Variants in DDIT4 observed in about 807,000 individuals in gnomAD.
DDIT4 encodes DNA damage-inducible transcript 4 protein.
A neutral mutation model predicts 20.2 loss-of-function variants in DDIT4; 20 were observed. That is an observed-to-expected ratio of 0.99 (90% confidence interval 0.70 to 1.44). The LOEUF is 1.44. Among genes scored for constraint, DDIT4 ranks in the 40% most tolerant of loss-of-function variants. The pLI, the probability that DDIT4 is intolerant of heterozygous loss-of-function variation, is 0.00. For missense variants in DDIT4, 316 were observed against 298.1 expected, an observed-to-expected ratio of 1.06 and a Z score of -0.44; for synonymous variants, 152 against 144.6, an observed-to-expected ratio of 1.05 and a Z score of -0.37.
rs368138380 is a variant in DDIT4 at position 72,274,267 on chromosome 10, C to T, written c.51C>T (p.Pro17=). The change falls in exon 2 of 3, where the codon CCC becomes CCT. Residue 17 remains proline (P), a synonymous_variant. Coordinates refer to ENST00000307365, the MANE Select transcript of DDIT4 (RefSeq NM_019058.4). ...CGTCGTCGTCCACCTCCTCTTCGCC[C>T]TCGTCCTTGCCCCGAACTCCCACCC... is the stretch of plus-strand genomic sequence containing the variant. ...RFSSSSTSSS[P]SSLPRTPTPD... is the part of the protein sequence containing the mutation. 1.2e-6 allele frequency: 2 copies of T among 1,613,628 alleles called. No homozygotes were observed. The highest frequency in any genetic ancestry group is 2.7e-5 in the African/African-American group (2 of 74,930).
chr10:72,274,612 C>T (rs1860804704), intron 2 of DDIT4, 83 bp from the exon 3 acceptor site: 1 of 1,503,726 alleles, frequency 6.7e-7, no homozygotes, highest in Non-Finnish European at 8.9e-7. Flanking sequence ...GCGTTGGTTT[C>T]TTAAGGAAAC....
chr10:72,275,215 C>A lies in DDIT4; in HGVS notation c.*27C>A. 6.3e-7 allele frequency: 1 copy of A among 1,580,508 alleles called. No homozygotes were observed. Among genetic ancestry groups the A allele is most frequent in the Non-Finnish European group, 8.6e-7 (1 of 1,168,244 alleles). ...CTTCAACCTGAGGGGGCCGACAGTG[C>A]CCTCCAAGACAGAGACGACTGAACT... On this transcript the variant is annotated 3_prime_UTR_variant, in exon 3 of 3. Transcript: ENST00000307365.
rs779357451 is a variant in DDIT4, at chr10:72,274,900, C to T, written c.411C>T (p.Ser137=). 4 of 1,612,844 alleles carry T rather than the reference C, an allele frequency of 2.5e-6. No individual in the cohort carries two copies. In the South Asian group the frequency reaches 3.3e-5, roughly 13 times the overall value. ...VGKELLRLAY[S]EPCGLRGALL... ...AAGAACTACTGCGCCTGGCCTACAG[C>T]GAGCCGTGCGGCCTGCGGGGGGCGC... The change falls in exon 3 of 3, where the codon AGC becomes AGT. Residue 137 remains serine (S), a synonymous_variant. Coordinates refer to ENST00000307365, the MANE Select transcript of DDIT4 (RefSeq NM_019058.4).
chr10:72,273,981 G>C lies in DDIT4; in HGVS notation c.-140G>C, dbSNP rs1482016184. On this transcript the variant is annotated 5_prime_UTR_variant, in exon 1 of 3. Transcript: ENST00000307365. ...CCTGGGACGGGTCTGGGCGGCTCTC[G>C]GTGGTTGGCACGGGTTCGCACACCC... is the stretch of plus-strand genomic sequence containing the variant. 3 of 575,754 alleles carry C rather than the reference G, an allele frequency of 5.2e-6. No individual in the cohort carries two copies. The highest frequency in any genetic ancestry group is 1.9e-5 in the African/African-American group (1 of 53,124). 35.7% of individuals were successfully genotyped at this position (575,754 alleles called of 1,614,324 possible).
At position 72,275,673 on chromosome 10, in the gene DDIT4, T is replaced by C. The variant is rs1589730530; in HGVS notation, c.*485T>C. On this transcript the variant is annotated 3_prime_UTR_variant, in exon 3 of 3. Coordinates refer to ENST00000307365, the MANE Select transcript of DDIT4 (RefSeq NM_019058.4). ...GTGTGTTTGTTGTTTGTTTTGTATC[T>C]TGTTTTTCTGATCGGAGCATCACTA... The C allele has an allele frequency of 1.2e-5, 2 of 161,714 alleles. No individual in the cohort carries two copies. The highest frequency in any genetic ancestry group is 1.2e-4 in the Admixed American group (2 of 16,906). The allele number at this position is 161,714 out of a possible 1,614,324, so 10.0% of individuals were successfully genotyped here. A position where few individuals can be genotyped will look rare whatever the true frequency, so the allele number is the denominator to read the frequency against.
rs1412125998 is a variant in DDIT4 at position 72,274,746 on chromosome 10, AC to A, written c.260del (p.Pro87LeufsTer10). The A allele has an allele frequency of 6.2e-7, 1 of 1,613,780 alleles. No individual in the cohort carries two copies. The highest frequency in any genetic ancestry group is 1.1e-5 in the South Asian group (1 of 91,042). ...VSLPDFELLS[D>X]PEDEHLCANL... is the part of the protein sequence containing the mutation. ...TTGCCCGACTTCGAGCTGCTCAGTG[AC>A]CCTGAGGATGAACACTTGTGTGCCA... On this transcript the variant is annotated frameshift_variant, in exon 3 of 3. Transcript: ENST00000307365. LOFTEE classifies it high-confidence loss of function.
rs1860820696 is a variant in DDIT4, at chr10:72,275,570, C to T, written c.*382C>T. The T allele has an allele frequency of 4.7e-6, 1 of 210,616 alleles. No individual in the cohort carries two copies. Among genetic ancestry groups the T allele is most frequent in the Non-Finnish European group, 9.8e-6 (1 of 102,542 alleles). 13.0% of individuals were successfully genotyped at this position (210,616 alleles called of 1,614,324 possible). On this transcript the variant is annotated 3_prime_UTR_variant, in exon 3 of 3. Transcript: ENST00000307365. ...AGGGTGAAGGAAGAGGCACGTGCTC[C>T]TCAGAGCAGCCGGAGGGAGGGGGGA... is the stretch of plus-strand genomic sequence containing the variant.
Position 72,274,852 on chromosome 10 carries a change from C to A in DDIT4, c.363C>A (p.Ser121Arg). ...SRRPARLLMPSQLVSQVGKEL... is the reference protein window; with the variant it reads ...SRRPARLLMPRQLVSQVGKEL... Reference sequence around the variant, plus strand: ...GCCCTGCGCGCCTGCTGATGCCTAGCCAGTTGGTAAGCCAGGTGGGCAAAG... The same window carrying A: ...GCCCTGCGCGCCTGCTGATGCCTAGACAGTTGGTAAGCCAGGTGGGCAAAG... The change falls in exon 3 of 3, where the codon AGC becomes AGA. Residue 121 changes from serine to arginine, a missense_variant. By Grantham distance (110) the Ser-to-Arg change is moderately radical (BLOSUM62 -1). Transcript: ENST00000307365. The A allele has an allele frequency of 6.2e-7, 1 of 1,613,562 alleles. No individual in the cohort carries two copies. Among genetic ancestry groups the A allele is most frequent in the Non-Finnish European group, 8.5e-7 (1 of 1,180,018 alleles).
chr10:72,274,780 G>T lies in DDIT4; in HGVS notation c.291G>T (p.Met97Ile). The change falls in exon 3 of 3, where the codon ATG becomes ATT. Residue 97 changes from methionine (M) to isoleucine (I), a missense_variant. Coordinates refer to ENST00000307365, the MANE Select transcript of DDIT4 (RefSeq NM_019058.4). ...PEDEHLCANL[M>I]QLLQESLAQA... ...ATGAACACTTGTGTGCCAACCTGAT[G>T]CAGCTGCTGCAGGAGAGCCTGGCCC... is the stretch of plus-strand genomic sequence containing the variant. 6.2e-7 allele frequency: 1 copy of T among 1,614,026 alleles called. No homozygotes were observed. The highest frequency in any genetic ancestry group is 2.2e-5 in the East Asian group (1 of 44,894).
Position 72,275,048 on chromosome 10 carries a change from C to T in DDIT4, c.559C>T (p.Pro187Ser). Reference protein sequence around the residue: ...LVLRLDSRLWPKIQGLFSSAN... With the variant: ...LVLRLDSRLWSKIQGLFSSAN... ...GCTGCGCCTGGACTCACGACTCTGG[C>T]CCAAGATCCAGGGGCTGTTTAGCTC... is the stretch of plus-strand genomic sequence containing the variant. Residue 187 changes from proline (P) to serine (S), a missense_variant, in exon 3 of 3, where the codon CCC (proline) becomes TCC (serine). By Grantham distance (74) the Pro-to-Ser change is moderately conservative. Coordinates refer to ENST00000307365, the MANE Select transcript of DDIT4 (RefSeq NM_019058.4). 1 of 1,613,614 alleles carries T rather than the reference C, an allele frequency of 6.2e-7. No homozygotes were observed. Among genetic ancestry groups the T allele is most frequent in the Non-Finnish European group, 8.5e-7 (1 of 1,179,984 alleles).
In DDIT4 at chr10:72,274,357, G is replaced by T; in HGVS notation, c.141G>T (p.Thr47=). The T allele has an allele frequency of 6.2e-7, 1 of 1,609,480 alleles. No homozygotes were observed. The highest frequency in any genetic ancestry group is 2.2e-5 in the East Asian group (1 of 44,826). The change falls in exon 2 of 3, where the codon ACG becomes ACT. Residue 47 remains threonine, a synonymous_variant. Transcript: ENST00000307365. ...GGGAGGAGGGGTTTGACCGCTCCAC[G>T]AGCCTGGAGAGCTCGGACTGCGAGT... ...ATREEGFDRS[T]SLESSDCESL...
rs1288269086 is a variant in DDIT4 at position 72,275,983 on chromosome 10, A to G, written c.*795A>G. The G allele has an allele frequency of 1.3e-5, 2 of 152,716 alleles. No homozygotes were observed. Among genetic ancestry groups the G allele is most frequent in the Non-Finnish European group, 2.9e-5 (2 of 68,060 alleles). The allele number at this position is 152,716 out of a possible 1,614,324, so 9.5% of individuals were successfully genotyped here. The stretch of plus-strand genomic sequence containing the variant: ...TCATGAATACACTTGATGTTCAAGT[A>G]TTAAGACCTATGCAATATTTTTTAC... On this transcript the variant is annotated 3_prime_UTR_variant, in exon 3 of 3. Transcript: ENST00000307365.
In DDIT4 at chr10:72,275,005, C is replaced by T. The variant is rs772889203; in HGVS notation, c.516C>T (p.Thr172=). The T allele has an allele frequency of 6.2e-7, 1 of 1,613,480 alleles. No individual in the cohort carries two copies. Among genetic ancestry groups the T allele is most frequent in the East Asian group, 2.2e-5 (1 of 44,872 alleles). ...QLALDPSLVP[T]FQLTLVLRLD... is the part of the protein sequence containing the mutation. ...CACTCGACCCCAGCCTGGTGCCCAC[C>T]TTCCAGCTGACCCTCGTGCTGCGCC... The change falls in exon 3 of 3, where the codon ACC becomes ACT. Residue 172 remains threonine (T), a synonymous_variant. Transcript: ENST00000307365.
At chr10:72,274,634 C>G (rs1000527268) in intron 2 of DDIT4, 61 bp from the exon 3 acceptor site, 5 of 1,535,350 alleles carry the variant, frequency 3.3e-6, no homozygotes, top group African/African-American at 1.4e-5. Context: ...GCACCTCCCC[C>G]GCCTGTGCGT....
At position 72,274,739 on chromosome 10, in the gene DDIT4, C is replaced by G; in HGVS notation, c.250C>G (p.Leu84Val). Residue 84 changes from leucine (L) to valine (V), a missense_variant, in exon 3 of 3, where the codon CTC becomes GTC. By Grantham distance (32) the Leu-to-Val change is conservative. Coordinates refer to ENST00000307365, the MANE Select transcript of DDIT4 (RefSeq NM_019058.4). ...GGTGTCGTTGCCCGACTTCGAGCTG[C>G]TCAGTGACCCTGAGGATGAACACTT... is the stretch of plus-strand genomic sequence containing the variant. ...DGVSLPDFELLSDPEDEHLCA... is the reference protein window; with the variant it reads ...DGVSLPDFELVSDPEDEHLCA... 6.2e-7 allele frequency: 1 copy of G among 1,613,752 alleles called. No homozygotes were observed. The highest frequency in any genetic ancestry group is 8.5e-7 in the Non-Finnish European group (1 of 1,179,804).
In DDIT4 at chr10:72,275,367, G is replaced by A. The variant is rs113957659; in HGVS notation, c.*179G>A. On this transcript the variant is annotated 3_prime_UTR_variant, in exon 3 of 3. Transcript: ENST00000307365. ...GAAGCTCATTGAGTTGTGTGCGGGT[G>A]GCTGTGCATTGGGGACACATACCCC... The A allele has an allele frequency of 1.4e-3, 943 of 687,426 alleles. 6 individuals are homozygous for A. In the African/African-American group the frequency reaches 0.014, roughly 10 times the overall value. The allele number at this position is 687,426 out of a possible 1,614,324, so 42.6% of individuals were successfully genotyped here. A position where few individuals can be genotyped will look rare whatever the true frequency, so the allele number is the denominator to read the frequency against.
Position 72,275,205 on chromosome 10 carries a change from G to A in DDIT4, c.*17G>A. On this transcript the variant is annotated 3_prime_UTR_variant, in exon 3 of 3. Coordinates refer to ENST00000307365, the MANE Select transcript of DDIT4 (RefSeq NM_019058.4). ...GAGTGTTGAACTTCAACCTGAGGGGGCCGACAGTGCCCTCCAAGACAGAGA... is the reference window on the plus strand; with the variant it reads ...GAGTGTTGAACTTCAACCTGAGGGGACCGACAGTGCCCTCCAAGACAGAGA... The A allele has an allele frequency of 6.3e-7, 1 of 1,595,572 alleles. No homozygotes were observed. Among genetic ancestry groups the A allele is most frequent in the South Asian group, 1.1e-5 (1 of 89,982 alleles).
chr10:72,273,961 G>T lies in DDIT4; in HGVS notation c.-160G>T. 1 of 547,970 alleles carries T rather than the reference G, an allele frequency of 1.8e-6. No individual in the cohort carries two copies. The highest frequency in any genetic ancestry group is 3.3e-6 in the Non-Finnish European group (1 of 305,524). The allele number at this position is 547,970 out of a possible 1,614,324, so 33.9% of individuals were successfully genotyped here. ...GGGGGAGGTGCGAGCGTGGACCTGG[G>T]ACGGGTCTGGGCGGCTCTCGGTGGT... On this transcript the variant is annotated 5_prime_UTR_variant, in exon 1 of 3. Transcript: ENST00000307365.
At position 72,274,254 on chromosome 10, in the gene DDIT4, C is replaced by T. The variant is rs371424438; in HGVS notation, c.38C>T (p.Thr13Ile). 8.1e-6 allele frequency: 13 copies of T among 1,613,712 alleles called. No homozygotes were observed. Among genetic ancestry groups the T allele is most frequent in the African/African-American group, 4.0e-5 (3 of 74,940 alleles). The change falls in exon 2 of 3, where the codon ACC (threonine) becomes ATC (isoleucine). Residue 13 changes from threonine (T) to isoleucine (I), a missense_variant. Transcript: ENST00000307365. ...SLWDRFSSSS[T>I]SSSPSSLPRT... Reference sequence around the variant, plus strand: ...TGGGACCGCTTCTCGTCGTCGTCCACCTCCTCTTCGCCCTCGTCCTTGCCC... The same window carrying T: ...TGGGACCGCTTCTCGTCGTCGTCCATCTCCTCTTCGCCCTCGTCCTTGCCC...
Sources: gnomAD v4.1 joint callset for allele counts on GRCh38, gnomAD v4.1.1 for gene constraint, MANE v1.5 for transcripts, NCBI Gene and HGNC (gene_info 2026-07-23, HGNC 2026-07-21) for gene names.